The following POGLUT3 variants were observed in gnomAD, a reference collection of about 807,000 sequenced individuals.
POGLUT3 encodes KDEL (Lys-Asp-Glu-Leu) containing 2.
POGLUT3 carries 48 observed loss-of-function variants against 54.3 expected under a neutral mutation model. The ratio of observed to expected loss-of-function variants is 0.88; its 90% confidence interval spans 0.70 to 1.12. The LOEUF (loss-of-function observed/expected upper bound fraction) is 1.12. Among genes scored for constraint, POGLUT3 ranks in the 50% most tolerant of loss-of-function variants. The probability of loss-of-function intolerance (pLI) is 0.00; values close to 1 mark genes in which losing one functional copy is unlikely to be tolerated. For synonymous variants in POGLUT3, 218 were observed against 237.4 expected, an observed-to-expected ratio of 0.92 and a Z score of 0.75; for missense variants, 629 against 618.7, an observed-to-expected ratio of 1.02 and a Z score of -0.18.
At position 108,486,291 on chromosome 11, in the gene POGLUT3, T is replaced by C; in HGVS notation, c.550A>G (p.Lys184Glu). 2 of 1,614,166 alleles carry C rather than the reference T, an allele frequency of 1.2e-6. No individual in the cohort carries two copies. The highest frequency in any genetic ancestry group is 1.1e-5 in the South Asian group (1 of 91,076). The change falls in exon 3 of 8, where the codon AAA becomes GAA. Residue 184 changes from lysine to glutamate, a missense_variant. Transcript: ENST00000323468. Reference protein sequence around the residue: ...NLQQMLKEVPKRFGDERGAIV... With the variant: ...NLQQMLKEVPERFGDERGAIV... Reference sequence around the variant, plus strand: ...GCACCTCTCTCATCCCCAAACCTTTTGGGGACTTCTTTTAGCATTTGCTGG... The same window carrying C: ...GCACCTCTCTCATCCCCAAACCTTTCGGGGACTTCTTTTAGCATTTGCTGG...
At chr11:108,495,328 G>A (rs1279457802) in intron 1 of POGLUT3, among the ~76,000 whole-genome samples, 2 of 152,004 alleles carry the variant, frequency 1.3e-5, no homozygotes, top group African/African-American at 4.8e-5. Flanking sequence ...GCACTACCAC[G>A]CCTGGCTGAT....
At chr11:108,488,948 G>A (rs1285210257) in intron 2 of POGLUT3, among the ~76,000 whole-genome samples, 2 of 152,046 alleles carry the variant, frequency 1.3e-5, no homozygotes, top group African/African-American at 4.8e-5. Context: ...CTCAGTAGCG[G>A]GGAATAATTA....
intron 3 of POGLUT3, among the ~76,000 whole-genome samples, chr11:108,482,630 C>T (rs576421435): frequency 6.6e-6 from 1 of 152,108 alleles, no homozygotes; most frequent in Non-Finnish European, 1.5e-5. Context: ...CTTGTAATCC[C>T]AGCTACTCAG....
At position 108,474,927 on chromosome 11, in the gene POGLUT3, T is replaced by A. The variant is rs1225799240; in HGVS notation, c.1424A>T (p.Lys475Ile). 1 of 1,614,062 alleles carries A rather than the reference T, an allele frequency of 6.2e-7. No individual in the cohort carries two copies. Among genetic ancestry groups the A allele is most frequent in the South Asian group, 1.1e-5 (1 of 91,070 alleles). Residue 475 changes from lysine to isoleucine, a missense_variant, in exon 8 of 8, where the codon AAA becomes ATA. Transcript: ENST00000323468. The part of the protein sequence containing the change: ...LQKYAERQSS[K>I]PEVRDGMELV... ...TTCCATTCCATCACGTACTTCGGGTTTGCTGGACTGGCGCTCGGCATATTT... is the reference window on the plus strand; with the variant it reads ...TTCCATTCCATCACGTACTTCGGGTATGCTGGACTGGCGCTCGGCATATTT...
At chr11:108,497,272 G>A (rs2093623781) in intron 1 of POGLUT3, among the ~76,000 whole-genome samples, 1 of 152,168 alleles carries the variant, frequency 6.6e-6, no homozygotes. Context: ...ATTATGTTTG[G>A]TTCCTAAATT....
At chr11:108,483,821 A>G (rs1215007315) in intron 3 of POGLUT3, among the ~76,000 whole-genome samples, 3 of 152,182 alleles carry the variant, frequency 2.0e-5, no homozygotes, top group African/African-American at 7.2e-5. Context: ...GGCACGCACC[A>G]CCACACCCGG....
At chr11:108,477,755 C>A in intron 6 of POGLUT3, 44 bp from the exon 7 acceptor site, 3 of 1,276,870 alleles carry the variant, frequency 2.3e-6, no homozygotes, top group Non-Finnish European at 3.4e-6. Flanking sequence ...ATTACTACTG[C>A]GACCCACAAA....
In POGLUT3 at chr11:108,486,156, C is replaced by T. The variant is rs2093602835; in HGVS notation, c.684+1G>A. 6.3e-7 allele frequency: 1 copy of T among 1,597,210 alleles called. No individual in the cohort carries two copies. The highest frequency in any genetic ancestry group is 1.3e-5 in the African/African-American group (1 of 74,622). ...TATTATCAATTCATTCATTCTCCTA[C>T]CTTTCTTGTCAATGATAACAAAATC... On this transcript the variant is annotated splice_donor_variant, in intron 3 of 7. Coordinates refer to ENST00000323468, the MANE Select transcript of POGLUT3 (RefSeq NM_153705.5). LOFTEE classifies it high-confidence loss of function.
intron 5 of POGLUT3, 125 bp from the exon 6 acceptor site, chr11:108,479,620 A>G: frequency 1.7e-6 from 1 of 582,306 alleles, no homozygotes; most frequent in Non-Finnish European, 2.8e-6. Flanking sequence ...TTTTGTGTTT[A>G]AAAGTTTTAT....
rs765345289 is a variant in POGLUT3, at chr11:108,474,931, T to A, written c.1420A>T (p.Ser474Cys). ...ATTCCATCACGTACTTCGGGTTTGC[T>A]GGACTGGCGCTCGGCATATTTCTGA... ...VLQKYAERQS[S>C]KPEVRDGMEL... The change falls in exon 8 of 8, where the codon AGC becomes TGC. Residue 474 changes from serine (S) to cysteine (C), a missense_variant. Physicochemically the swap from Ser to Cys is moderately radical, Grantham distance 112. Coordinates refer to ENST00000323468, the MANE Select transcript of POGLUT3 (RefSeq NM_153705.5). The A allele has an allele frequency of 2.2e-5, 36 of 1,613,958 alleles. No homozygotes were observed. The highest frequency in any genetic ancestry group is 3.0e-5 in the Non-Finnish European group (35 of 1,179,980).
chr11:108,476,210 T>A (rs1158217013), intron 7 of POGLUT3, among the ~76,000 whole-genome samples: 3 of 152,218 alleles, frequency 2.0e-5, no homozygotes, highest in African/African-American at 7.2e-5. Context: ...CTAGGCTCAC[T>A]GCAACCTCTG....
At chr11:108,487,156 C>T (rs2093604994) in intron 2 of POGLUT3, among the ~76,000 whole-genome samples, 1 of 152,212 alleles carries the variant, frequency 6.6e-6, no homozygotes, top group South Asian at 2.1e-4. Flanking sequence ...CAACCAACTG[C>T]CAATCAGAAA....
At chr11:108,478,516 G>T (rs1286007485) in intron 6 of POGLUT3, among the ~76,000 whole-genome samples, 4 of 152,312 alleles carry the variant, frequency 2.6e-5, no homozygotes, top group Non-Finnish European at 5.9e-5. Context: ...GTTATAAAAT[G>T]GTAGCTATAA....
chr11:108,494,151 C>T (rs764397309), intron 1 of POGLUT3, among the ~76,000 whole-genome samples: 20 of 152,050 alleles, frequency 1.3e-4, no homozygotes, highest in Non-Finnish European at 2.6e-4. Context: ...AGTAACTTGC[C>T]CAAGGTCACA....
Position 108,485,341 on chromosome 11 carries a change from C to T in POGLUT3, c.684+816G>A, listed in dbSNP as rs1187026466. Among the ~76,000 whole-genome samples, 6 of 152,210 alleles carry T rather than the reference C, an allele frequency of 3.9e-5. No individual in the cohort carries two copies. The East Asian group carries it at 1.2e-3, about 29-fold the overall frequency. ...ATTCAGCGGAACAGAGAACTTAAAG[C>T]GGCCTCTTGACATGGTTGTGCATGC... On this transcript the variant is annotated intron_variant, in intron 3 of 7. Coordinates refer to ENST00000323468, the MANE Select transcript of POGLUT3 (RefSeq NM_153705.5).
intron 1 of POGLUT3, among the ~76,000 whole-genome samples, chr11:108,496,355 A>G (rs1565752761): frequency 6.6e-6 from 1 of 152,062 alleles, no homozygotes; most frequent in Non-Finnish European, 1.5e-5. Context: ...GAGAAAAATC[A>G]AAATAATAAT....
At chr11:108,477,903 C>T in intron 6 of POGLUT3, 192 bp from the exon 7 acceptor site, 1 of 573,818 alleles carries the variant, frequency 1.7e-6, no homozygotes, top group South Asian at 2.2e-5. Context: ...AATCCCAGTA[C>T]TTTGGGGGCC....
Position 108,483,816 on chromosome 11 carries a change from G to A in POGLUT3, c.685-1594C>T, listed in dbSNP as rs192147710. Among the ~76,000 whole-genome samples, 272 of 152,012 alleles carry A rather than the reference G, an allele frequency of 1.8e-3. 2 individuals carry two copies. Among genetic ancestry groups the A allele is most frequent in the African/African-American group, 6.3e-3 (262 of 41,462 alleles). The stretch of plus-strand genomic sequence containing the variant: ...CCCAAGTAGCTGAGACTACAGGCAC[G>A]CACCACCACACCCGGCTAATTTTTG... On this transcript the variant is annotated intron_variant, in intron 3 of 7. Coordinates refer to ENST00000323468, the MANE Select transcript of POGLUT3 (RefSeq NM_153705.5).
chr11:108,489,164 GA>G (rs1280225987), intron 2 of POGLUT3, among the ~76,000 whole-genome samples: 1 of 151,992 alleles, frequency 6.6e-6, no homozygotes, highest in Non-Finnish European at 1.5e-5. Flanking sequence ...GACAGTAATA[GA>G]AACTATACGA....
Sources: allele counts gnomAD v4.1 joint callset (sites outside exome capture counted in the v4.1 genomes callset), GRCh38; gene constraint gnomAD v4.1.1; transcripts MANE v1.5; gene names NCBI Gene and HGNC (gene_info 2026-07-23, HGNC 2026-07-21).